DIP2C: variants seen among roughly 807,000 people sequenced by gnomAD.
DIP2C encodes the protein disco-interacting protein 2 homolog C.
DIP2C carries 33 observed loss-of-function variants against 192.4 expected under a neutral mutation model. The observed-to-expected ratio is 0.17, with a 90% CI of 0.13 to 0.23. The LOEUF is 0.23. DIP2C is among the 10% of genes least tolerant of loss of function. DIP2C has a pLI of 1.00. For missense variants in DIP2C, 1,537 were observed against 2,110.1 expected, an observed-to-expected ratio of 0.73 and a Z score of 5.32; for synonymous variants, 979 against 864.1, an observed-to-expected ratio of 1.13 and a Z score of -2.33.
At chr10:345,152 A>C (rs1425921896) in intron 26 of DIP2C, 42 bp from the exon 27 acceptor site, 1 of 1,567,552 alleles carries the variant, frequency 6.4e-7, no homozygotes, top group Non-Finnish European at 8.7e-7. Flanking sequence ...ACGTGGACCC[A>C]GATGAAAGCG....
chr10:378,167 A>G (rs958578086), intron 17 of DIP2C, among the ~76,000 whole-genome samples: 2 of 152,234 alleles, frequency 1.3e-5, no homozygotes, highest in Non-Finnish European at 2.9e-5. Flanking sequence ...TAAAACTAAC[A>G]TCGGGAGAAA....
chr10:545,166 C>CTTTTTTTTTTTTTTTTTTTTTTT (rs60185327), intron 1 of DIP2C, among the ~76,000 whole-genome samples: 2 of 86,336 alleles, frequency 2.3e-5, no homozygotes, highest in African/African-American at 5.7e-5. Flanking sequence ...GGTGTTTTCC[C>CTTTTTTTTTTTTTTTTTTTTTTT]TTTTTTTTTT....
In DIP2C at chr10:318,889, T is replaced by C. The variant is rs150926275; in HGVS notation, c.3924+8117A>G. Among the ~76,000 whole-genome samples the C allele has an allele frequency of 6.9e-3, 1,002 of 145,072 alleles. 6 individuals carry two copies. Among genetic ancestry groups the C allele is most frequent in the Non-Finnish European group, 1.0e-2 (665 of 66,646 alleles). On this transcript the variant is annotated intron_variant, in intron 31 of 36. Transcript: ENST00000280886. ...TTTGAGAATTAAGATTTACATCATC[T>C]CCTGAGCCTTCCACATTTTTCTTTT...
chr10:523,624 CTG>C (rs1239168697), intron 1 of DIP2C, among the ~76,000 whole-genome samples: 2 of 148,870 alleles, frequency 1.3e-5, no homozygotes, highest in African/African-American at 5.0e-5. Flanking sequence ...TGCAGGGACT[CTG>C]TGTGACCCGC....
chr10:305,817 A>T (rs915570163), intron 32 of DIP2C, among the ~76,000 whole-genome samples: 7 of 151,886 alleles, frequency 4.6e-5, no homozygotes, highest in Admixed American at 2.0e-4. Flanking sequence ...GTTCATTTTT[A>T]AAAAATGTTG....
chr10:570,122 G>A (rs1849691081), intron 1 of DIP2C, among the ~76,000 whole-genome samples: 1 of 152,178 alleles, frequency 6.6e-6, no homozygotes, highest in Non-Finnish European at 1.5e-5. Context: ...TCATAGCACT[G>A]CACAAATCCA....
intron 2 of DIP2C, among the ~76,000 whole-genome samples, chr10:472,949 G>C (rs1970748560): frequency 6.6e-6 from 1 of 152,140 alleles, no homozygotes. Context: ...AAATTTAAAA[G>C]TATATTTGTT....
At chr10:480,597 C>T (rs1331850084) in intron 2 of DIP2C, among the ~76,000 whole-genome samples, 5 of 152,260 alleles carry the variant, frequency 3.3e-5, no homozygotes, top group South Asian at 2.1e-4. Flanking sequence ...ACAAAACCCA[C>T]GTGAGCAGTT....
At chr10:293,836 G>A (rs1387016565) in intron 32 of DIP2C, among the ~76,000 whole-genome samples, 1 of 152,252 alleles carries the variant, frequency 6.6e-6, no homozygotes, top group East Asian at 1.9e-4. Context: ...CAGGACTCAA[G>A]CCCTAACAAA....
At chr10:594,246 T>C (rs907543463) in intron 1 of DIP2C, among the ~76,000 whole-genome samples, 16 of 152,194 alleles carry the variant, frequency 1.1e-4, no homozygotes, top group African/African-American at 3.9e-4. Context: ...GGCCCTTTCC[T>C]ATCTGCACAG....
chr10:407,865 T>C (rs1589723473), intron 9 of DIP2C, among the ~76,000 whole-genome samples: 1 of 152,214 alleles, frequency 6.6e-6, no homozygotes, highest in African/African-American at 2.4e-5. Flanking sequence ...TTTTCTCCCA[T>C]TCTGTAGGTG....
At chr10:405,978 G>A (rs576015327) in intron 9 of DIP2C, among the ~76,000 whole-genome samples, 3 of 152,216 alleles carry the variant, frequency 2.0e-5, no homozygotes, top group East Asian at 1.9e-4. Context: ...GAAAAGTAGC[G>A]CCTTCACCCC....
chr10:572,311 G>GT (rs1849873215), intron 1 of DIP2C, among the ~76,000 whole-genome samples: 1 of 152,170 alleles, frequency 6.6e-6, no homozygotes, highest in South Asian at 2.1e-4. Context: ...CCTCCACAGC[G>GT]TTTCACACTC....
At chr10:425,350 C>T (rs1417451774) in intron 4 of DIP2C, among the ~76,000 whole-genome samples, 1 of 116,566 alleles carries the variant, frequency 8.6e-6, no homozygotes, top group Non-Finnish European at 1.7e-5. Flanking sequence ...GCATGACCAG[C>T]GGTGACTAAT....
intron 1 of DIP2C, among the ~76,000 whole-genome samples, chr10:615,218 A>G (rs1255312672): frequency 6.6e-6 from 1 of 152,208 alleles, no homozygotes; most frequent in African/African-American, 2.4e-5. Context: ...GCTTCTCCCA[A>G]CGATCGGGGA....
At chr10:576,895 G>A (rs958572993) in intron 1 of DIP2C, among the ~76,000 whole-genome samples, 4 of 152,004 alleles carry the variant, frequency 2.6e-5, no homozygotes, top group African/African-American at 9.7e-5. Context: ...TCCAGCCTGG[G>A]TGACAGAGCA....
At chr10:455,089 G>A (rs1333407668) in intron 3 of DIP2C, among the ~76,000 whole-genome samples, 1 of 152,194 alleles carries the variant, frequency 6.6e-6, no homozygotes, top group Non-Finnish European at 1.5e-5. Context: ...AGAAGAGAAT[G>A]TTCCTCCAAG....
intron 1 of DIP2C, among the ~76,000 whole-genome samples, chr10:557,557 C>T (rs1054485235): frequency 1.3e-5 from 2 of 149,456 alleles, no homozygotes; most frequent in Non-Finnish European, 3.0e-5. Context: ...TGCCAGGACC[C>T]CCTTTTCTTC....
At chr10:641,344 T>C (rs1412935582) in intron 1 of DIP2C, among the ~76,000 whole-genome samples, 1 of 152,142 alleles carries the variant, frequency 6.6e-6, no homozygotes, top group African/African-American at 2.4e-5. Context: ...AACCTATTCC[T>C]GCACTCAGAC....
Sources: allele counts gnomAD v4.1 joint callset (sites outside exome capture counted in the v4.1 genomes callset), GRCh38; gene constraint gnomAD v4.1.1; transcripts MANE v1.5; gene names NCBI Gene and HGNC (gene_info 2026-07-23, HGNC 2026-07-21).